DOCK3: variants seen among roughly 807,000 people sequenced by gnomAD.
DOCK3 encodes the protein dedicator of cytokinesis protein 3.
A neutral mutation model predicts 265.6 loss-of-function variants in DOCK3; 60 were observed. The ratio of observed to expected loss-of-function variants is 0.23; its 90% CI spans 0.18 to 0.28. DOCK3 has a LOEUF of 0.28. Ranked by LOEUF, DOCK3 falls within the 10% of genes least tolerant of loss-of-function variation. DOCK3 has a pLI of 1.00. For missense variants in DOCK3, 1,981 were observed against 2,594.3 expected (o/e 0.76, Z 5.14); for synonymous variants, 881 against 938.0 (o/e 0.94, Z 1.11).
At chr3:51,270,221 T>C (rs1239606688) in intron 23 of DOCK3, among the ~76,000 whole-genome samples, 1 of 152,218 alleles carries the variant, frequency 6.6e-6, no homozygotes, top group East Asian at 1.9e-4. Context: ...TTTCCCATCC[T>C]CTTGAATTTA....
intron 9 of DOCK3, among the ~76,000 whole-genome samples, chr3:51,106,532 C>G (rs2083287838): frequency 6.6e-6 from 1 of 152,218 alleles, no homozygotes; most frequent in South Asian, 2.1e-4. Context: ...CCTTGCTTCC[C>G]CCTGCCACAC....
chr3:51,032,086 A>G (rs2080072635), intron 5 of DOCK3, among the ~76,000 whole-genome samples: 1 of 151,632 alleles, frequency 6.6e-6, no homozygotes, highest in Admixed American at 6.6e-5. Context: ...TCAGTTTAAG[A>G]TATTCTTGAG....
intron 13 of DOCK3, among the ~76,000 whole-genome samples, chr3:51,212,816 T>G (rs1263304548): frequency 6.6e-6 from 1 of 152,196 alleles, no homozygotes; most frequent in Non-Finnish European, 1.5e-5. Context: ...GTTTGCCTTT[T>G]CAGGGCACTG....
chr3:50,788,921 G>A (rs2042327033), intron 2 of DOCK3, among the ~76,000 whole-genome samples: 2 of 152,212 alleles, frequency 1.3e-5, no homozygotes, highest in Non-Finnish European at 2.9e-5. Flanking sequence ...TTCAAAGAAC[G>A]AGGTTTTTGT....
intron 1 of DOCK3, among the ~76,000 whole-genome samples, chr3:50,712,085 G>A (rs902337559): frequency 1.3e-4 from 20 of 151,924 alleles, no homozygotes; most frequent in Non-Finnish European, 1.3e-4. Context: ...CCAACTAAAG[G>A]CCTGTCACAT....
At chr3:50,728,380 A>C (rs1294913637) in intron 1 of DOCK3, among the ~76,000 whole-genome samples, 1 of 152,186 alleles carries the variant, frequency 6.6e-6, no homozygotes, top group Non-Finnish European at 1.5e-5. Flanking sequence ...TAAACAATCT[A>C]AGCTACCCAC....
chr3:50,927,071 A>C (rs772146302), intron 4 of DOCK3, among the ~76,000 whole-genome samples: 27 of 152,208 alleles, frequency 1.8e-4, no homozygotes, highest in Non-Finnish European at 3.4e-4. Flanking sequence ...CTTCAGTGAC[A>C]CTGGTTTTCT....
intron 1 of DOCK3, among the ~76,000 whole-genome samples, chr3:50,766,212 T>C (rs2040862259): frequency 6.6e-6 from 1 of 151,986 alleles, no homozygotes; most frequent in African/African-American, 2.4e-5. Flanking sequence ...CATGTTGGTG[T>C]GCTGCACCCA....
At chr3:51,177,576 A>G (rs746481075) in intron 12 of DOCK3, among the ~76,000 whole-genome samples, 5 of 152,256 alleles carry the variant, frequency 3.3e-5, no homozygotes, top group Admixed American at 6.5e-5. Flanking sequence ...AACAAACCAT[A>G]TAGTTCAAAA....
intron 7 of DOCK3, among the ~76,000 whole-genome samples, chr3:51,081,666 C>T (rs2082244381): frequency 6.6e-6 from 1 of 151,882 alleles, no homozygotes; most frequent in Non-Finnish European, 1.5e-5. Flanking sequence ...GAGGCCAAGG[C>T]AGACAGATCA....
At chr3:51,304,965 C>T (rs2082571903) in intron 27 of DOCK3, among the ~76,000 whole-genome samples, 1 of 152,210 alleles carries the variant, frequency 6.6e-6, no homozygotes, top group South Asian at 2.1e-4. Flanking sequence ...TATGGCCTAA[C>T]ATATGATCTG....
chr3:51,317,521 A>G (rs535577369), intron 32 of DOCK3, among the ~76,000 whole-genome samples: 1 of 150,338 alleles, frequency 6.7e-6, no homozygotes, highest in Admixed American at 6.6e-5. Flanking sequence ...TGGAAGTTGC[A>G]GTGAGCCAAG....
chr3:50,930,722 G>A (rs2051018509), intron 4 of DOCK3, among the ~76,000 whole-genome samples: 1 of 152,220 alleles, frequency 6.6e-6, no homozygotes, highest in African/African-American at 2.4e-5. Context: ...GCAATTGGGA[G>A]TGATACTGTG....
intron 5 of DOCK3, among the ~76,000 whole-genome samples, chr3:50,986,480 C>G (rs1399722983): frequency 4.6e-5 from 7 of 152,216 alleles, no homozygotes; most frequent in Admixed American, 4.6e-4. Flanking sequence ...ATCCCATACT[C>G]TATTCCTACC....
intron 12 of DOCK3, among the ~76,000 whole-genome samples, chr3:51,178,394 A>G (rs1178822485): frequency 6.6e-6 from 1 of 152,218 alleles, no homozygotes; most frequent in East Asian, 1.9e-4. Flanking sequence ...TAACAGGACC[A>G]GCCCCTGATT....
At chr3:51,180,880 G>A (rs1383036114) in intron 12 of DOCK3, among the ~76,000 whole-genome samples, 5 of 152,172 alleles carry the variant, frequency 3.3e-5, no homozygotes, top group Non-Finnish European at 7.3e-5. Context: ...TAGTCCAAAG[G>A]AGGGAAGAGG....
chr3:50,801,200 G>T (rs887735058), intron 2 of DOCK3, among the ~76,000 whole-genome samples: 1 of 152,120 alleles, frequency 6.6e-6, no homozygotes, highest in Non-Finnish European at 1.5e-5. Context: ...GGAGGGGAAG[G>T]GGTTCTGATT....
chr3:51,238,421 C>T (rs1045618878), intron 21 of DOCK3, among the ~76,000 whole-genome samples: 5 of 151,878 alleles, frequency 3.3e-5, no homozygotes, highest in Non-Finnish European at 5.9e-5. Flanking sequence ...GGATTACAGG[C>T]GTGAGCCACC....
intron 3 of DOCK3, among the ~76,000 whole-genome samples, chr3:50,868,901 GTTTTTTT>G (rs147898866): frequency 9.8e-4 from 14 of 14,298 alleles, no homozygotes; most frequent in Non-Finnish European, 1.3e-3. Flanking sequence ...TGGATAATCT[GTTTTTTT>G]TTTTTTTTTT....
Sources: allele counts gnomAD v4.1 joint callset (sites outside exome capture counted in the v4.1 genomes callset), GRCh38; gene constraint gnomAD v4.1.1; transcripts MANE v1.5; gene names NCBI Gene and HGNC (gene_info 2026-07-23, HGNC 2026-07-21).